Variants in HPR observed in about 807,000 individuals in gnomAD.
The protein encoded by HPR is Haptoglobin-related locus.
A neutral mutation model predicts 18.5 loss-of-function variants in HPR; 17 were observed. The observed-to-expected ratio is 0.92, with a 90% CI of 0.63 to 1.38. HPR has a LOEUF of 1.38. Among genes scored for constraint, HPR ranks in the 40% most tolerant of loss-of-function variants. The pLI is 0.00. For synonymous variants in HPR, 176 were observed against 165.0 expected (o/e 1.07, Z -0.51); for missense variants, 457 against 432.4 (o/e 1.06, Z -0.51).
intron 1 of HPR, among the ~76,000 whole-genome samples, chr16:72,066,907 G>C (rs1246208550): frequency 1.3e-5 from 2 of 152,102 alleles, no homozygotes; most frequent in Non-Finnish European, 2.9e-5. Flanking sequence ...AGGCTTCCAG[G>C]GAGCCAGAAA....
rs759777634 is a variant in HPR at position 72,074,036 on chromosome 16, C to T, written c.91+59C>T. The T allele has an allele frequency of 2.2e-5, 36 of 1,603,362 alleles. No individual in the cohort carries two copies. In the Middle Eastern group the frequency reaches 6.8e-4, roughly 30 times the overall value. On this transcript the variant is annotated intron_variant, in intron 2 of 4. Transcript: ENST00000540303. ...CTGGCACTGCCACATCCCACTCTGACTCTCTCGGGTCTGCATTCTTTCTTT... is the reference window on the plus strand; with the variant it reads ...CTGGCACTGCCACATCCCACTCTGATTCTCTCGGGTCTGCATTCTTTCTTT...
rs2041732819 is a variant in HPR, at chr16:72,076,770, G to A, written c.736G>A (p.Ala246Thr). ...TCTGAAGTATGTCATGCTGCCTGTGGCTGACCAATACGATTGCATAACGCA... is the reference window on the plus strand; with the variant it reads ...TCTGAAGTATGTCATGCTGCCTGTGACTGACCAATACGATTGCATAACGCA... ...DHLKYVMLPV[A>T]DQYDCITHYE... The change falls in exon 5 of 5, where the codon GCT (alanine) becomes ACT (threonine). Residue 246 changes from alanine (A) to threonine (T), a missense_variant. Ala to Thr is a moderately conservative substitution (Grantham distance 58). Coordinates refer to ENST00000540303, the MANE Select transcript of HPR (RefSeq NM_020995.4). 6.2e-7 allele frequency: 1 copy of A among 1,614,110 alleles called. No homozygotes were observed. Among genetic ancestry groups the A allele is most frequent in the African/African-American group, 1.3e-5 (1 of 74,938 alleles).
At position 72,076,672 on chromosome 16, in the gene HPR, A is replaced by T; in HGVS notation, c.638A>T (p.Asn213Ile). 2.5e-6 allele frequency: 4 copies of T among 1,614,210 alleles called. No individual in the cohort carries two copies. Among genetic ancestry groups the T allele is most frequent in the Non-Finnish European group, 2.5e-6 (3 of 1,180,032 alleles). ...RVMPICLPSK[N>I]YAEVGRVGYV... ...ATGCCCATCTGCCTACCTTCAAAGA[A>T]TTATGCAGAAGTAGGGCGTGTGGGT... is the stretch of plus-strand genomic sequence containing the variant. The change falls in exon 5 of 5, where the codon AAT (asparagine) becomes ATT (isoleucine). Residue 213 changes from asparagine to isoleucine, a missense_variant. By Grantham distance (149) the Asn-to-Ile change is moderately radical. Coordinates refer to ENST00000540303, the MANE Select transcript of HPR (RefSeq NM_020995.4).
At chr16:72,076,176 G>A in intron 4 of HPR, 127 bp from the exon 5 acceptor site, 3 of 1,517,214 alleles carry the variant, frequency 2.0e-6, no homozygotes, top group Non-Finnish European at 2.7e-6. Context: ...TCAGCAGGTG[G>A]TAAGGACAAA....
At chr16:72,063,923 A>G (rs1161048372) in intron 1 of HPR, among the ~76,000 whole-genome samples, 2 of 152,084 alleles carry the variant, frequency 1.3e-5, no homozygotes, top group Admixed American at 1.3e-4. Flanking sequence ...TTGTATTTTT[A>G]GTAGCGATGT....
At chr16:72,066,385 CA>C (rs781183970) in intron 1 of HPR, among the ~76,000 whole-genome samples, 53 of 152,118 alleles carry the variant, frequency 3.5e-4, no homozygotes, top group Non-Finnish European at 5.7e-4. Context: ...GCTGCTATGG[CA>C]ATTTGGGAAC....
intron 1 of HPR, among the ~76,000 whole-genome samples, chr16:72,065,566 A>G (rs1263926918): frequency 6.6e-6 from 1 of 152,208 alleles, no homozygotes; most frequent in Admixed American, 6.5e-5. Context: ...TAAGCATAAG[A>G]AGAAGGAGCA....
chr16:72,069,937 C>A (rs2041637552), intron 1 of HPR, among the ~76,000 whole-genome samples: 2 of 152,100 alleles, frequency 1.3e-5, no homozygotes, highest in South Asian at 4.1e-4. Flanking sequence ...AACATTGTAC[C>A]CAGATTTGGA....
chr16:72,076,293 T>A lies in HPR; in HGVS notation c.269-10T>A, dbSNP rs1567591166. ...ATTTCCACTCACGAGTGTCTTGCTC[T>A]CCTTGACAGTATGTGGGAAGCCCAA... On this transcript the variant is annotated splice_polypyrimidine_tract_variant and intron_variant, in intron 4 of 4. Coordinates refer to ENST00000540303, the MANE Select transcript of HPR (RefSeq NM_020995.4). 2 of 1,611,760 alleles carry A rather than the reference T, an allele frequency of 1.2e-6. No individual in the cohort carries two copies. Among genetic ancestry groups the A allele is most frequent in the Non-Finnish European group, 1.7e-6 (2 of 1,178,700 alleles).
At chr16:72,069,202 C>G (rs1184899889) in intron 1 of HPR, among the ~76,000 whole-genome samples, 1 of 152,062 alleles carries the variant, frequency 6.6e-6, no homozygotes, top group Non-Finnish European at 1.5e-5. Context: ...GTGGCTCATA[C>G]ATTTGGAAAA....
chr16:72,072,789 A>G (rs2041671372), intron 1 of HPR, among the ~76,000 whole-genome samples: 1 of 152,174 alleles, frequency 6.6e-6, no homozygotes, highest in South Asian at 2.1e-4. Flanking sequence ...AGAAGACCCA[A>G]GTAGAATAAC....
intron 1 of HPR, 75 bp from the exon 2 acceptor site, chr16:72,073,817 T>G: frequency 1.2e-6 from 2 of 1,608,024 alleles, no homozygotes; most frequent in Non-Finnish European, 1.7e-6. Flanking sequence ...TGTACATGCC[T>G]GTGTGTGTGG....
intron 1 of HPR, among the ~76,000 whole-genome samples, chr16:72,065,433 A>C (rs766386289): frequency 1.3e-5 from 2 of 152,146 alleles, no homozygotes; most frequent in Non-Finnish European, 2.9e-5. Context: ...CCTAGCTAAG[A>C]CCCAATATGG....
rs371912812 is a variant in HPR at position 72,074,395 on chromosome 16, G to C, written c.193+10G>C. The stretch of plus-strand genomic sequence containing the variant: ...CGCACAGAAGGAGATGGTAAGACCT[G>C]GACAACTATCTCTGTGCTCTACCTA... On this transcript the variant is annotated intron_variant, in intron 3 of 4. Coordinates refer to ENST00000540303, the MANE Select transcript of HPR (RefSeq NM_020995.4). 116 of 1,589,072 alleles carry C rather than the reference G, an allele frequency of 7.3e-5. No individual in the cohort carries two copies. The highest frequency in any genetic ancestry group is 9.9e-5 in the Non-Finnish European group (115 of 1,157,316).
chr16:72,064,732 G>C (rs2041579608), intron 1 of HPR, among the ~76,000 whole-genome samples: 1 of 152,182 alleles, frequency 6.6e-6, no homozygotes, highest in Non-Finnish European at 1.5e-5. Flanking sequence ...TTGTCCTTTG[G>C]CTCAGTGTTG....
At position 72,076,143 on chromosome 16, in the gene HPR, A is replaced by T. The variant is rs141725688; in HGVS notation, c.269-160A>T. Among the ~76,000 whole-genome samples, 47 of 152,310 alleles carry T rather than the reference A, an allele frequency of 3.1e-4. 1 individual carries two copies. Among genetic ancestry groups the T allele is most frequent in the African/African-American group, 9.9e-4 (41 of 41,574 alleles). On this transcript the variant is annotated intron_variant, in intron 4 of 4. Transcript: ENST00000540303. ...TAAACAATTAAAAAAATTATTTTAA[A>T]ACTGCAACTATTGGAAATGAGATCA...
intron 1 of HPR, among the ~76,000 whole-genome samples, chr16:72,067,980 G>T (rs534663281): frequency 2.0e-5 from 3 of 152,168 alleles, no homozygotes; most frequent in African/African-American, 7.2e-5. Context: ...AGACACATTT[G>T]CCTTTGAGTG....
At chr16:72,073,733 T>C (rs775007612) in intron 1 of HPR, 159 bp from the exon 2 acceptor site, 5 of 1,542,872 alleles carry the variant, frequency 3.2e-6, no homozygotes, top group East Asian at 2.7e-5. Flanking sequence ...CTTCCATATA[T>C]TGATTTTCTT....
At chr16:72,074,179 T>C (rs1286688557) in intron 2 of HPR, 105 bp from the exon 3 acceptor site, 15 of 1,262,042 alleles carry the variant, frequency 1.2e-5, no homozygotes, top group Admixed American at 5.2e-5. Flanking sequence ...CTATTTGGGG[T>C]AGAAGGAGAT....
Sources: gnomAD v4.1 joint callset for allele counts (sites outside exome capture counted in the v4.1 genomes callset) on GRCh38, gnomAD v4.1.1 for gene constraint, MANE v1.5 for transcripts, NCBI Gene and HGNC (gene_info 2026-07-23, HGNC 2026-07-21) for gene names.